Variants in LINGO2 observed in about 807,000 individuals in gnomAD.
LINGO2 encodes leucine-rich repeat and immunoglobulin-like domain-containing nogo receptor-interacting protein 2.
Under a neutral mutation model 30.6 loss-of-function variants are expected in LINGO2, and 14 were observed. The ratio of observed to expected loss-of-function variants is 0.46; its 90% CI spans 0.30 to 0.72. The LOEUF (loss-of-function observed/expected upper bound fraction) is 0.72, where lower values mean the gene tolerates loss of function less well. Among genes scored for constraint, LINGO2 ranks in the 30% least tolerant of loss-of-function variants. The pLI is 0.07. For synonymous variants in LINGO2, 317 were observed against 288.5 expected (o/e 1.10, Z -1.00); for missense variants, 729 against 751.7 (o/e 0.97, Z 0.35).
At chr9:28,022,351 A>G (rs1263452169) in intron 4 of LINGO2, among the ~76,000 whole-genome samples, 2 of 152,054 alleles carry the variant, frequency 1.3e-5, no homozygotes, top group Non-Finnish European at 2.9e-5. Context: ...TTTTATATCA[A>G]TTAAGATTAG....
chr9:28,616,226 A>T (rs1428393525), intron 1 of LINGO2, among the ~76,000 whole-genome samples: 2 of 152,224 alleles, frequency 1.3e-5, no homozygotes, highest in African/African-American at 4.8e-5. Flanking sequence ...TACAGCGTGA[A>T]CAAAATTATA....
chr9:28,919,070 A>T, the LINGO2 span, among the ~76,000 whole-genome samples: 2 of 152,192 alleles, frequency 1.3e-5, no homozygotes, highest in African/African-American at 2.4e-5. Flanking sequence ...CAATGCAGAC[A>T]TTCCTTTGTT....
intron 4 of LINGO2, among the ~76,000 whole-genome samples, chr9:28,208,393 A>T (rs1562971): frequency 0.017 from 2,531 of 152,170 alleles, 34 homozygotes; most frequent in South Asian, 0.04. Flanking sequence ...TCTTACGGCA[A>T]ATCTTAGTTA....
At chr9:28,694,286 A>G in the LINGO2 span, among the ~76,000 whole-genome samples, 9 of 151,978 alleles carry the variant, frequency 5.9e-5, no homozygotes, top group Non-Finnish European at 1.2e-4. Context: ...TATATATTCT[A>G]TCTGCTAGTT....
chr9:28,304,872 A>G (rs1824284248), intron 3 of LINGO2, among the ~76,000 whole-genome samples: 1 of 152,080 alleles, frequency 6.6e-6, no homozygotes, highest in Non-Finnish European at 1.5e-5. Context: ...GAATAAATAA[A>G]CTGTAGCTGA....
intron 2 of LINGO2, among the ~76,000 whole-genome samples, chr9:28,459,690 T>G (rs1824997759): frequency 6.6e-6 from 1 of 151,856 alleles, no homozygotes. Context: ...GGTCCATAGA[T>G]GGTACCAAGT....
chr9:28,003,482 G>A (rs1822087990), intron 5 of LINGO2, among the ~76,000 whole-genome samples: 1 of 152,018 alleles, frequency 6.6e-6, no homozygotes, highest in Non-Finnish European at 1.5e-5. Flanking sequence ...TTTTTGAGAT[G>A]GAGTCTCGCT....
chr9:29,164,686 T>C, the LINGO2 span, among the ~76,000 whole-genome samples: 3 of 151,972 alleles, frequency 2.0e-5, no homozygotes, highest in African/African-American at 7.2e-5. Context: ...CTAGATAACC[T>C]GCCTCAGTCA....
At chr9:28,688,164 AGGCAGAAATACATTACCTCT>A in the LINGO2 span, among the ~76,000 whole-genome samples, 5 of 152,174 alleles carry the variant, frequency 3.3e-5, no homozygotes, top group African/African-American at 4.8e-5. Context: ...AAACACTGTA[AGGCAGAAATACATTACCTCT>A]GGCAGGGTAT....
At chr9:28,811,853 T>C in the LINGO2 span, among the ~76,000 whole-genome samples, 1 of 152,156 alleles carries the variant, frequency 6.6e-6, no homozygotes, top group Non-Finnish European at 1.5e-5. Flanking sequence ...CATTCATTCT[T>C]ATCTGTATGT....
chr9:29,038,745 G>A, the LINGO2 span, among the ~76,000 whole-genome samples: 1 of 149,120 alleles, frequency 6.7e-6, no homozygotes, highest in African/African-American at 2.5e-5. Flanking sequence ...TCTTTTTCAT[G>A]TACATTCTAA....
the LINGO2 span, among the ~76,000 whole-genome samples, chr9:29,184,594 T>C: frequency 6.6e-6 from 1 of 152,096 alleles, no homozygotes; most frequent in Non-Finnish European, 1.5e-5. Flanking sequence ...CAATTACCCA[T>C]TACCTTACAC....
At chr9:28,451,416 T>G (rs1388887086) in intron 2 of LINGO2, among the ~76,000 whole-genome samples, 4 of 151,786 alleles carry the variant, frequency 2.6e-5, no homozygotes, top group African/African-American at 4.8e-5. Context: ...TGCAAACAGG[T>G]TCGATAAAGC....
chr9:28,602,305 GAAACAAAC>G (rs199589447), intron 1 of LINGO2, among the ~76,000 whole-genome samples: 1 of 151,930 alleles, frequency 6.6e-6, no homozygotes, highest in South Asian at 2.1e-4. Flanking sequence ...CTGGCAAATA[GAAACAAAC>G]AAACAAACAA....
At chr9:29,165,078 A>G in the LINGO2 span, among the ~76,000 whole-genome samples, 1 of 152,120 alleles carries the variant, frequency 6.6e-6, no homozygotes, top group Non-Finnish European at 1.5e-5. Context: ...TAAAACGTTT[A>G]TCCCATAGTT....
intron 5 of LINGO2, among the ~76,000 whole-genome samples, chr9:27,969,063 A>AAG (rs1224486208): frequency 8.6e-5 from 13 of 151,950 alleles, no homozygotes; most frequent in Admixed American, 6.6e-4. Context: ...TCTTCTGAAT[A>AAG]ATTTGTATTG....
intron 4 of LINGO2, among the ~76,000 whole-genome samples, chr9:28,159,252 C>G (rs1840189937): frequency 6.6e-6 from 1 of 152,186 alleles, no homozygotes; most frequent in African/African-American, 2.4e-5. Context: ...CCGCAAGTAT[C>G]ATAATACTTG....
At chr9:28,615,441 C>T (rs1454454807) in intron 1 of LINGO2, among the ~76,000 whole-genome samples, 2 of 152,068 alleles carry the variant, frequency 1.3e-5, no homozygotes, top group East Asian at 1.9e-4. Context: ...AGTGATGCTG[C>T]CTTAATGAAT....
At chr9:29,120,809 T>A in the LINGO2 span, among the ~76,000 whole-genome samples, 1 of 152,192 alleles carries the variant, frequency 6.6e-6, no homozygotes, top group Non-Finnish European at 1.5e-5. Context: ...TAAGCTTTCA[T>A]TTCCTCATTC....
Sources: allele counts gnomAD v4.1 joint callset (sites outside exome capture counted in the v4.1 genomes callset), GRCh38; gene constraint gnomAD v4.1.1; transcripts MANE v1.5; gene names NCBI Gene and HGNC (gene_info 2026-07-23, HGNC 2026-07-21).